ADAM10: variants seen among roughly 807,000 people sequenced by gnomAD.
ADAM10 encodes disintegrin and metalloproteinase domain-containing protein 10.
ADAM10 carries 17 observed loss-of-function variants against 90.1 expected under a neutral mutation model. That is an observed-to-expected ratio of 0.19 (90% confidence interval 0.13 to 0.28). The LOEUF (loss-of-function observed/expected upper bound fraction) is 0.28. ADAM10 is among the 10% of genes least tolerant of loss of function. The probability of loss-of-function intolerance (pLI) is 1.00; values close to 1 mark genes in which losing one functional copy is unlikely to be tolerated. For missense variants in ADAM10, 610 were observed against 914.3 expected (o/e 0.67, Z 4.29); for synonymous variants, 310 against 298.6 (o/e 1.04, Z -0.40).
At position 58,647,647 on chromosome 15, in the gene ADAM10, C is replaced by G. The variant is rs141824256; in HGVS notation, c.586-1443G>C. Among the ~76,000 whole-genome samples, 795 of 152,196 alleles carry G rather than the reference C, an allele frequency of 5.2e-3. 38 individuals carry two copies. Among genetic ancestry groups the G allele is most frequent in the Admixed American group, 0.047 (717 of 15,284 alleles). On this transcript the variant is annotated intron_variant, in intron 5 of 15. Coordinates refer to ENST00000260408, the MANE Select transcript of ADAM10 (RefSeq NM_001110.4). Reference sequence around the variant, plus strand: ...CAATGCAGCCTTAAACTCCTGGGCTCAAACAATCCTCCCGCCTAAGCTTCC... The same window carrying G: ...CAATGCAGCCTTAAACTCCTGGGCTGAAACAATCCTCCCGCCTAAGCTTCC...
intron 2 of ADAM10, among the ~76,000 whole-genome samples, chr15:58,685,366 C>T (rs947434145): frequency 4.0e-5 from 6 of 151,006 alleles, no homozygotes; most frequent in African/African-American, 1.5e-4. Context: ...GAGGCTAAGG[C>T]AGGAGAATGG....
intron 1 of ADAM10, chr15:58,748,690 C>A: frequency 2.7e-6 from 1 of 370,978 alleles, no homozygotes; most frequent in Admixed American, 4.6e-5. Flanking sequence ...CTCTAAGAGA[C>A]CCAATCCAGC....
chr15:58,682,338 G>A (rs563969159), intron 2 of ADAM10, 24 bp from the exon 3 acceptor site: 7 of 1,601,792 alleles, frequency 4.4e-6, no homozygotes, highest in African/African-American at 4.0e-5. Context: ...TGGGAAGGGG[G>A]AACAACTGAA....
At chr15:58,627,453 T>A (rs570272554) in intron 10 of ADAM10, among the ~76,000 whole-genome samples, 20 of 152,304 alleles carry the variant, frequency 1.3e-4, no homozygotes, top group African/African-American at 4.8e-4. Context: ...TGAACTCTAG[T>A]TAATGATTTG....
chr15:58,696,091 G>A (rs1365909148), intron 2 of ADAM10, among the ~76,000 whole-genome samples: 1 of 151,832 alleles, frequency 6.6e-6, no homozygotes, highest in Admixed American at 6.6e-5. Context: ...ACTCCAGCCT[G>A]GGCAACAAGA....
chr15:58,641,352 G>A (rs534675571), intron 7 of ADAM10, among the ~76,000 whole-genome samples: 1 of 152,226 alleles, frequency 6.6e-6, no homozygotes, highest in East Asian at 1.9e-4. Flanking sequence ...TACATATGGT[G>A]ACACTTACAA....
chr15:58,712,983 G>A (rs1898525780), intron 2 of ADAM10, among the ~76,000 whole-genome samples: 1 of 152,188 alleles, frequency 6.6e-6, no homozygotes, highest in Non-Finnish European at 1.5e-5. Flanking sequence ...CCCACAATAT[G>A]ACAAATCTGC....
chr15:58,725,470 C>T (rs1334873054), intron 1 of ADAM10, among the ~76,000 whole-genome samples: 4 of 151,292 alleles, frequency 2.6e-5, no homozygotes, highest in African/African-American at 4.8e-5. Context: ...CGCTTGAGCC[C>T]AGGAGTCCAA....
At chr15:58,706,729 G>A (rs745695079) in intron 2 of ADAM10, among the ~76,000 whole-genome samples, 1 of 152,046 alleles carries the variant, frequency 6.6e-6, no homozygotes. Context: ...TCTAGGGCTC[G>A]GCCAGGTACG....
At chr15:58,676,144 G>A (rs1221861233) in intron 4 of ADAM10, 6 of 366,128 alleles carry the variant, frequency 1.6e-5, no homozygotes, top group African/African-American at 1.3e-4. Context: ...GAGGCTTACA[G>A]ATTTCAGAAA....
rs560726092 is a variant in ADAM10 at position 58,692,193 on chromosome 15, C to G, written c.207-9879G>C. ...TGTTCTAAAAAAGGTCAAAGGGAGC[C>G]TGATGAGGGATGAACAGCAATGCCC... On this transcript the variant is annotated intron_variant, in intron 2 of 15. Transcript: ENST00000260408. 5.5e-4 allele frequency: 307 copies of G among 562,208 alleles called. 5 individuals are homozygous for G. The highest frequency in any genetic ancestry group is 4.1e-3 in the South Asian group (297 of 72,138). The allele number at this position is 562,208 out of a possible 1,614,324, so 34.8% of individuals were successfully genotyped here. A position where few individuals can be genotyped will look rare whatever the true frequency, so the allele number is the denominator to read the frequency against.
intron 1 of ADAM10, 39 bp downstream of exon 1, chr15:58,749,441 G>A (rs2140859775): frequency 2.0e-6 from 3 of 1,518,516 alleles, no homozygotes; most frequent in African/African-American, 1.4e-5. Flanking sequence ...CCGCTCCGCC[G>A]TGGTCGCGGC....
At chr15:58,688,508 G>T (rs1330433853) in intron 2 of ADAM10, among the ~76,000 whole-genome samples, 1 of 151,404 alleles carries the variant, frequency 6.6e-6, no homozygotes, top group Non-Finnish European at 1.5e-5. Flanking sequence ...CAAAGAAGAA[G>T]AAAATTAGTC....
chr15:58,625,267 G>C (rs1272328248), intron 10 of ADAM10, among the ~76,000 whole-genome samples: 1 of 152,102 alleles, frequency 6.6e-6, no homozygotes, highest in Non-Finnish European at 1.5e-5. Flanking sequence ...TCTAGGACTA[G>C]TATCTAGACT....
At chr15:58,728,259 G>T (rs1007304209) in intron 1 of ADAM10, among the ~76,000 whole-genome samples, 7 of 152,168 alleles carry the variant, frequency 4.6e-5, no homozygotes, top group African/African-American at 1.7e-4. Context: ...ATGGAAATTA[G>T]AAAGTATTTT....
chr15:58,670,588 T>A (rs1331086914), intron 4 of ADAM10, among the ~76,000 whole-genome samples: 1 of 152,140 alleles, frequency 6.6e-6, no homozygotes, highest in Non-Finnish European at 1.5e-5. Context: ...GCTATGTTTA[T>A]TGACACAGAA....
chr15:58,632,622 A>G (rs1896133921), intron 9 of ADAM10, among the ~76,000 whole-genome samples: 1 of 152,222 alleles, frequency 6.6e-6, no homozygotes, highest in African/African-American at 2.4e-5. Context: ...TCATGGGCGT[A>G]TAACGCTTTG....
chr15:58,635,556 C>T (rs1325667846), intron 8 of ADAM10, among the ~76,000 whole-genome samples: 1 of 151,996 alleles, frequency 6.6e-6, no homozygotes, highest in Non-Finnish European at 1.5e-5. Flanking sequence ...TTTCTTCAAG[C>T]TAGTTCTACT....
chr15:58,683,754 G>A (rs1352236285), intron 2 of ADAM10, among the ~76,000 whole-genome samples: 2 of 151,270 alleles, frequency 1.3e-5, no homozygotes, highest in Admixed American at 6.6e-5. Flanking sequence ...CAGCTACTGG[G>A]GAGGCTGAGG....
Sources: allele counts gnomAD v4.1 joint callset (sites outside exome capture counted in the v4.1 genomes callset), GRCh38; gene constraint gnomAD v4.1.1; transcripts MANE v1.5; gene names NCBI Gene and HGNC (gene_info 2026-07-23, HGNC 2026-07-21).